Variants in AGBL1 observed in about 807,000 individuals in gnomAD.
AGBL1 encodes the protein AGBL carboxypeptidase 1.
Under a neutral mutation model 118.9 loss-of-function variants are expected in AGBL1, and 130 were observed. That is an observed-to-expected ratio of 1.09 (90% CI 0.95 to 1.26). The LOEUF (loss-of-function observed/expected upper bound fraction) is 1.26. AGBL1 is among the 50% of genes most tolerant of loss of function. The pLI, the probability that AGBL1 is intolerant of heterozygous loss-of-function variation, is 0.00. For missense variants in AGBL1, 1,584 were observed against 1,298.1 expected (o/e 1.22, Z -3.38); for synonymous variants, 555 against 478.9 (o/e 1.16, Z -2.08).
At chr15:87,031,326 CAG>C (rs1037525350), downstream of AGBL1, among the ~76,000 whole-genome samples, 8 of 151,694 alleles carry the variant, frequency 5.3e-5, no homozygotes, top group African/African-American at 9.7e-5. Context: ...GACATATTAA[CAG>C]AAATAGAGAG....
Position 86,439,305 on chromosome 15 carries a change from T to C in AGBL1, c.2555+41759T>C, listed in dbSNP as rs1402792852. On this transcript the variant is annotated intron_variant, in intron 18 of 22. Transcript: ENST00000614907. ...ACTCAAGGGTCGCAAATTTGAAAAC[T>C]CCAGCCGGTATAATTACATTTCCCC... Among the ~76,000 whole-genome samples, 3 of 152,268 alleles carry C rather than the reference T, an allele frequency of 2.0e-5. No homozygotes were observed. In the East Asian group the frequency reaches 5.8e-4, roughly 29 times the overall value.
chr15:86,984,201 T>A (rs2081257780), intron 23 of AGBL1, among the ~76,000 whole-genome samples: 1 of 152,150 alleles, frequency 6.6e-6, no homozygotes, highest in Non-Finnish European at 1.5e-5. Context: ...AAGTTTTGTT[T>A]TAATTTTAGC....
intron 22 of AGBL1, among the ~76,000 whole-genome samples, chr15:86,800,191 A>G (rs16977994): frequency 0.092 from 14,037 of 152,066 alleles, 714 homozygotes; most frequent in South Asian, 0.15. Context: ...TTTGTCGTAG[A>G]TCCTGGCAAT....
chr15:86,362,735 G>T (rs1342534239), intron 17 of AGBL1, among the ~76,000 whole-genome samples: 1 of 152,180 alleles, frequency 6.6e-6, no homozygotes. Context: ...CTGGACTGTG[G>T]TAGGGCAGGG....
chr15:86,961,044 T>C (rs1353726529), intron 23 of AGBL1, among the ~76,000 whole-genome samples: 1 of 152,052 alleles, frequency 6.6e-6, no homozygotes, highest in Non-Finnish European at 1.5e-5. Flanking sequence ...TAATACTCTA[T>C]TGTATACTTG....
intron 17 of AGBL1, among the ~76,000 whole-genome samples, chr15:86,309,092 T>A (rs1165625457): frequency 2.6e-5 from 4 of 152,206 alleles, no homozygotes; most frequent in Non-Finnish European, 5.9e-5. Context: ...TTCTTCAATT[T>A]ATTTTTCAAT....
intron 22 of AGBL1, among the ~76,000 whole-genome samples, chr15:86,828,914 G>GTATATATATATATATATATATATA (rs3059643): frequency 7.0e-6 from 1 of 141,868 alleles, no homozygotes. Context: ...AAGTTCAAAA[G>GTATATATATATATATATATATATA]TATATATATA....
intron 18 of AGBL1, among the ~76,000 whole-genome samples, chr15:86,506,886 A>G (rs140100789): frequency 2.0e-5 from 3 of 152,238 alleles, no homozygotes; most frequent in Non-Finnish European, 2.9e-5. Flanking sequence ...CAGGTATCAT[A>G]TCATGTAGGA....
At chr15:86,271,856 T>C (rs2079167797) in intron 15 of AGBL1, 150 bp downstream of exon 15, 5 of 711,572 alleles carry the variant, frequency 7.0e-6, no homozygotes, top group African/African-American at 1.8e-5. Context: ...TGTCCGGCCC[T>C]TCAGAGATAT....
At chr15:86,448,058 T>TCC (rs2082146635) in intron 18 of AGBL1, among the ~76,000 whole-genome samples, 12 of 151,470 alleles carry the variant, frequency 7.9e-5, no homozygotes, top group Admixed American at 6.6e-5. Context: ...GGTGGGAGGG[T>TCC]CACCTGAGCC....
At chr15:86,687,833 T>A (rs955082103) in intron 22 of AGBL1, among the ~76,000 whole-genome samples, 3 of 152,146 alleles carry the variant, frequency 2.0e-5, no homozygotes, top group Non-Finnish European at 2.9e-5. Context: ...TCCTCAGATA[T>A]ACACTGAAAT....
chr15:86,319,180 G>A (rs2080065671), intron 17 of AGBL1, among the ~76,000 whole-genome samples: 1 of 152,118 alleles, frequency 6.6e-6, no homozygotes, highest in Non-Finnish European at 1.5e-5. Flanking sequence ...TCTCCTAACC[G>A]AGTATATACT....
chr15:86,344,849 ATAAT>A (rs1237353480), intron 17 of AGBL1, among the ~76,000 whole-genome samples: 1 of 152,120 alleles, frequency 6.6e-6, no homozygotes, highest in Non-Finnish European at 1.5e-5. Flanking sequence ...AGAAATGATA[ATAAT>A]TAATGGAAAA....
intron 21 of AGBL1, among the ~76,000 whole-genome samples, chr15:86,589,741 C>T (rs182847928): frequency 2.0e-5 from 3 of 152,216 alleles, no homozygotes; most frequent in African/African-American, 4.8e-5. Context: ...CTCCTCCTTT[C>T]CTCCCTCCCT....
At chr15:86,990,617 G>A (rs554666230) in intron 24 of AGBL1, among the ~76,000 whole-genome samples, 2 of 152,308 alleles carry the variant, frequency 1.3e-5, no homozygotes, top group East Asian at 3.9e-4. Flanking sequence ...ACTCTTCTAA[G>A]AATTTCATAA....
chr15:86,604,266 C>A (rs1433522925), intron 21 of AGBL1, among the ~76,000 whole-genome samples: 3 of 150,432 alleles, frequency 2.0e-5, no homozygotes, highest in East Asian at 2.0e-4. Context: ...TCTCATTAAA[C>A]AACAGTTATC....
rs151275044 is a variant in AGBL1 at position 86,937,105 on chromosome 15, A to G, written c.3222-50882A>G. Among the ~76,000 whole-genome samples, 25 of 152,368 alleles carry G rather than the reference A, an allele frequency of 1.6e-4. No homozygotes were observed. The East Asian group carries it at 4.2e-3, about 26-fold the overall frequency. On this transcript the variant is annotated intron_variant, in intron 23 of 24. Transcript: ENST00000441037. Reference sequence around the variant, plus strand: ...ATGCAAATGGAAACCACAATGAGATATCATCTCACACCTCTAAGAATGCTA... The same window carrying G: ...ATGCAAATGGAAACCACAATGAGATGTCATCTCACACCTCTAAGAATGCTA...
intron 21 of AGBL1, among the ~76,000 whole-genome samples, chr15:86,605,283 G>A (rs1036859106): frequency 1.3e-5 from 2 of 151,984 alleles, no homozygotes; most frequent in Non-Finnish European, 2.9e-5. Flanking sequence ...AGACATGGTA[G>A]GTTTTCTGTC....
chr15:86,628,730 A>G (rs571631943), intron 21 of AGBL1, among the ~76,000 whole-genome samples: 128 of 152,224 alleles, frequency 8.4e-4, no homozygotes, highest in African/African-American at 2.9e-3. Context: ...CGGGAGGCGG[A>G]GCTTGCAGTG....
Sources: gnomAD v4.1 joint callset for allele counts (sites outside exome capture counted in the v4.1 genomes callset) on GRCh38, gnomAD v4.1.1 for gene constraint, MANE v1.5 for transcripts, NCBI Gene and HGNC (gene_info 2026-07-23, HGNC 2026-07-21) for gene names.